Variants in VTI1A observed in about 807,000 individuals in gnomAD.
The protein encoded by VTI1A is vesicle transport through interaction with t-SNAREs homolog 1A.
Under a neutral mutation model 34.9 loss-of-function variants are expected in VTI1A, and 22 were observed. The observed-to-expected ratio is 0.63, with a 90% CI of 0.45 to 0.90. The LOEUF (loss-of-function observed/expected upper bound fraction) is 0.90, where lower values mean the gene tolerates loss of function less well. Among genes scored for constraint, VTI1A ranks in the 40% least tolerant of loss-of-function variants. VTI1A has a pLI of 0.00. For synonymous variants in VTI1A, 87 were observed against 97.3 expected (o/e 0.89, Z 0.62); for missense variants, 268 against 275.6 (o/e 0.97, Z 0.20).
chr10:112,700,410 C>G (rs781742982), intron 7 of VTI1A, among the ~76,000 whole-genome samples: 1 of 152,160 alleles, frequency 6.6e-6, no homozygotes, highest in Non-Finnish European at 1.5e-5. Flanking sequence ...AAAAATAACT[C>G]CAATCTATTG....
chr10:112,609,086 G>A (rs1364743781), intron 5 of VTI1A, among the ~76,000 whole-genome samples: 2 of 152,142 alleles, frequency 1.3e-5, no homozygotes, highest in African/African-American at 4.8e-5. Flanking sequence ...GGGATATATG[G>A]TTATGATAAA....
chr10:112,561,522 T>C (rs1185659940), intron 5 of VTI1A, among the ~76,000 whole-genome samples: 2 of 152,234 alleles, frequency 1.3e-5, no homozygotes. Flanking sequence ...TAAAATCTCT[T>C]TGGTTGCCTA....
chr10:112,811,509 C>T (rs1853297264), intron 7 of VTI1A, among the ~76,000 whole-genome samples: 1 of 151,522 alleles, frequency 6.6e-6, no homozygotes, highest in South Asian at 2.1e-4. Context: ...GGTGAAACCC[C>T]GTCTCTACTA....
intron 7 of VTI1A, among the ~76,000 whole-genome samples, chr10:112,796,020 C>T (rs867656954): frequency 1.1e-3 from 172 of 152,188 alleles, no homozygotes; most frequent in African/African-American, 3.7e-3. Flanking sequence ...GCTAGACAGT[C>T]GTTAAGCCTT....
the VTI1A span, among the ~76,000 whole-genome samples, chr10:112,852,848 A>G: frequency 6.6e-6 from 1 of 152,048 alleles, no homozygotes; most frequent in East Asian, 1.9e-4. Context: ...GCACAATCTC[A>G]GCTCACTGCA....
At chr10:112,773,751 T>C (rs1263436239) in intron 7 of VTI1A, among the ~76,000 whole-genome samples, 1 of 152,098 alleles carries the variant, frequency 6.6e-6, no homozygotes, top group South Asian at 2.1e-4. Flanking sequence ...TCTTTAGGTG[T>C]GATTTGAGAT....
intron 7 of VTI1A, among the ~76,000 whole-genome samples, chr10:112,810,383 CAG>C (rs1024537977): frequency 1.5e-5 from 2 of 131,058 alleles, no homozygotes; most frequent in South Asian, 2.4e-4. Context: ...AGCCTGGAGA[CAG>C]AGAATGACTC....
intron 3 of VTI1A, among the ~76,000 whole-genome samples, chr10:112,474,011 A>G (rs1322600226): frequency 6.6e-5 from 10 of 151,968 alleles, no homozygotes; most frequent in Non-Finnish European, 1.3e-4. Context: ...CATACTTAAC[A>G]TTTCTTAATC....
chr10:112,725,199 T>C (rs1175396430), intron 7 of VTI1A, among the ~76,000 whole-genome samples: 1 of 152,240 alleles, frequency 6.6e-6, no homozygotes, highest in African/African-American at 2.4e-5. Context: ...TTCTTTAATC[T>C]ATTACAGATC....
intron 7 of VTI1A, among the ~76,000 whole-genome samples, chr10:112,802,741 G>T (rs1214972443): frequency 6.6e-6 from 1 of 152,088 alleles, no homozygotes; most frequent in Admixed American, 6.5e-5. Context: ...TTTAAGTACA[G>T]GCCTATTGGA....
At chr10:112,728,512 A>T (rs1850129376) in intron 7 of VTI1A, among the ~76,000 whole-genome samples, 1 of 152,230 alleles carries the variant, frequency 6.6e-6, no homozygotes. Flanking sequence ...CCAGAAATGC[A>T]CAATAGCTAA....
At chr10:112,637,936 A>G (rs539855284) in intron 5 of VTI1A, among the ~76,000 whole-genome samples, 4 of 152,368 alleles carry the variant, frequency 2.6e-5, no homozygotes, top group South Asian at 2.1e-4. Context: ...TACTTGACAC[A>G]CAATGCTTTG....
At position 112,737,484 on chromosome 10, in the gene VTI1A, G is replaced by A. The variant is rs373115686; in HGVS notation, c.560+68486G>A. On this transcript the variant is annotated intron_variant, in intron 7 of 7. Coordinates refer to ENST00000393077, the MANE Select transcript of VTI1A (RefSeq NM_145206.4). ...AGGCTGAATTTTTAAAGTCTCTTCC[G>A]CATCTTCTGTTCCCTGGGATGCCTT... 1.2e-4 allele frequency: 131 copies of A among 1,049,048 alleles called. No individual in the cohort carries two copies. The South Asian group carries it at 3.9e-3, about 31-fold the overall frequency. 65.0% of individuals were successfully genotyped at this position (1,049,048 alleles called of 1,614,324 possible). A position where few individuals can be genotyped will look rare whatever the true frequency, so the allele number is the denominator to read the frequency against.
chr10:112,504,012 C>T (rs1330327965), intron 3 of VTI1A, among the ~76,000 whole-genome samples: 1 of 152,106 alleles, frequency 6.6e-6, no homozygotes, highest in African/African-American at 2.4e-5. Context: ...TCCAAAAGAT[C>T]TCACTGTTTT....
intron 5 of VTI1A, among the ~76,000 whole-genome samples, chr10:112,578,449 G>A (rs1843795380): frequency 6.6e-6 from 1 of 152,136 alleles, no homozygotes; most frequent in Non-Finnish European, 1.5e-5. Context: ...TTGGAGGGCA[G>A]AAAATACTGA....
chr10:112,538,153 G>A, intron 4 of VTI1A, 93 bp from the exon 5 acceptor site: 1 of 1,095,778 alleles, frequency 9.1e-7, no homozygotes, highest in Non-Finnish European at 1.3e-6. Context: ...CCCACCCCAT[G>A]TTAGGGCATA....
intron 3 of VTI1A, among the ~76,000 whole-genome samples, chr10:112,502,024 CT>C (rs71489973): frequency 0.23 from 27,999 of 119,238 alleles, 2,742 homozygotes; most frequent in East Asian, 0.6. Context: ...AGAATCCTTA[CT>C]TTTTTTTTTT....
At chr10:112,828,216 G>C in the VTI1A span, among the ~76,000 whole-genome samples, 59 of 151,956 alleles carry the variant, frequency 3.9e-4, no homozygotes, top group Admixed American at 6.6e-5. Flanking sequence ...TGGTGTTTAG[G>C]GTTTTTTGTG....
At chr10:112,500,172 C>T (rs985611006) in intron 3 of VTI1A, among the ~76,000 whole-genome samples, 2 of 152,162 alleles carry the variant, frequency 1.3e-5, no homozygotes, top group Non-Finnish European at 2.9e-5. Flanking sequence ...TGTGGTGACT[C>T]ATGCCTGTAA....
Sources: allele counts gnomAD v4.1 joint callset (sites outside exome capture counted in the v4.1 genomes callset), GRCh38; gene constraint gnomAD v4.1.1; transcripts MANE v1.5; gene names NCBI Gene and HGNC (gene_info 2026-07-23, HGNC 2026-07-21).